INTS6: variants seen among roughly 807,000 people sequenced by gnomAD.
INTS6 encodes the protein integrator complex subunit 6, also known as DEAD box protein.
INTS6 carries 16 observed loss-of-function variants against 104.9 expected under a neutral mutation model. That is an observed-to-expected ratio of 0.15 (90% CI 0.10 to 0.23). The LOEUF is 0.23. Among genes scored for constraint, INTS6 ranks in the 10% least tolerant of loss-of-function variants. The pLI, the probability that INTS6 is intolerant of heterozygous loss-of-function variation, is 1.00. For synonymous variants in INTS6, 324 were observed against 358.7 expected (o/e 0.90, Z 1.09); for missense variants, 584 against 1,062.8 (o/e 0.55, Z 6.26).
intron 3 of INTS6, chr13:51,355,124 T>C (rs1224913914): frequency 2.0e-6 from 3 of 1,535,730 alleles, no homozygotes; most frequent in African/African-American, 1.4e-5. Flanking sequence ...CACTCAAAGC[T>C]AACTTGAAAG....
chr13:51,410,573 C>A (rs571788677), intron 4 of INTS6, among the ~76,000 whole-genome samples: 3 of 152,308 alleles, frequency 2.0e-5, no homozygotes, highest in African/African-American at 7.2e-5. Context: ...TGAATTATTT[C>A]TCTCAAAGTA....
intron 4 of INTS6, among the ~76,000 whole-genome samples, chr13:51,415,663 T>C (rs576693098): frequency 6.6e-6 from 1 of 152,258 alleles, no homozygotes; most frequent in Admixed American, 6.5e-5. Flanking sequence ...CCTCTTTCTT[T>C]TATTAATTGC....
At chr13:51,438,373 C>A (rs1349365047) in intron 3 of INTS6, 1 of 151,856 alleles carries the variant, frequency 6.6e-6, no homozygotes, top group African/African-American at 2.4e-5. Context: ...GTTTTATAAG[C>A]CTTCCTAACT....
intron 3 of INTS6, 186 bp downstream of exon 3, chr13:51,450,839 G>C (rs1250382446): frequency 8.2e-7 from 1 of 1,213,292 alleles, no homozygotes; most frequent in South Asian, 3.7e-5. Context: ...ATTTTAGAGG[G>C]GGAAAAAATG....
rs1953070881 is a variant in INTS6 at position 51,452,132 on chromosome 13, C to A, written c.112-77G>T. On this transcript the variant is annotated intron_variant, in intron 1 of 17. Transcript: ENST00000311234. This position sits in a 1 kb window ranked among gnomAD's most constrained non-coding sequence, Gnocchi z 4.2. ...GGTTACGAGGCGGAGAAGGGGCGCC[C>A]AGCGGCCCCGCCGCCCCCACAGTAC... The A allele has an allele frequency of 2.9e-6, 4 of 1,385,780 alleles. No individual in the cohort carries two copies. The highest frequency in any genetic ancestry group is 1.4e-5 in the African/African-American group (1 of 69,970). The allele number at this position is 1,385,780 out of a possible 1,614,324, so 85.8% of individuals were successfully genotyped here.
At chr13:51,425,235 A>G (rs991555350) in intron 4 of INTS6, among the ~76,000 whole-genome samples, 1 of 152,068 alleles carries the variant, frequency 6.6e-6, no homozygotes, top group Non-Finnish European at 1.5e-5. Context: ...AGAACCCACA[A>G]GTTGGAATAG....
In INTS6 at chr13:51,452,626, A is replaced by C; in HGVS notation, c.-101T>G. 1 of 1,529,784 alleles carries C rather than the reference A, an allele frequency of 6.5e-7. No homozygotes were observed. Among genetic ancestry groups the C allele is most frequent in the South Asian group, 1.2e-5 (1 of 86,898 alleles). The allele number at this position is 1,529,784 out of a possible 1,614,324, so 94.8% of individuals were successfully genotyped here. Reference sequence around the variant, plus strand: ...CGACCGCCGCTACGCGGGGCGGGGGAGCACGGCCCCCGGGAGGAAAACACT... The same window carrying C: ...CGACCGCCGCTACGCGGGGCGGGGGCGCACGGCCCCCGGGAGGAAAACACT... On this transcript the variant is annotated 5_prime_UTR_variant, in exon 1 of 18. Transcript: ENST00000311234. This position sits in a 1 kb window ranked among gnomAD's most constrained non-coding sequence, Gnocchi z 4.2.
At chr13:51,387,229 C>T (rs1956157053) in intron 7 of INTS6, among the ~76,000 whole-genome samples, 157 bp downstream of exon 7, 1 of 152,156 alleles carries the variant, frequency 6.6e-6, no homozygotes, top group Admixed American at 6.5e-5. Context: ...GTTATCATAG[C>T]AAAGCAACAT....
intron 3 of INTS6, chr13:51,449,488 A>G (rs1033250021): frequency 1.0e-6 from 1 of 985,300 alleles, no homozygotes; most frequent in Non-Finnish European, 1.2e-6. Flanking sequence ...GCAATCTTTA[A>G]GAAGTATTTT....
rs529016409 is a variant in INTS6 at position 51,399,567 on chromosome 13, A to G, written c.430-4084T>C. On this transcript the variant is annotated intron_variant, in intron 4 of 17. Transcript: ENST00000311234. ...GGAATTGCTGGATATGAATATGTTT[A>G]CTTTCATCAGATACTGCCAGTTTTC... is the stretch of plus-strand genomic sequence containing the variant. 3.9e-5 allele frequency among the ~76,000 whole-genome samples: 6 copies of G among 152,302 alleles called. No individual in the cohort carries two copies. The South Asian group carries it at 1.2e-3, about 32-fold the overall frequency.
At chr13:51,401,252 A>G (rs1025564666) in intron 4 of INTS6, among the ~76,000 whole-genome samples, 1 of 152,078 alleles carries the variant, frequency 6.6e-6, no homozygotes, top group Non-Finnish European at 1.5e-5. Flanking sequence ...GCATTCACTC[A>G]TCATTTTTTA....
intron 15 of INTS6, among the ~76,000 whole-genome samples, chr13:51,372,574 C>T (rs116748992): frequency 0.02 from 3,034 of 152,278 alleles, 52 homozygotes; most frequent in African/African-American, 0.049. Context: ...TCCTCTTCTC[C>T]TGAGCCCAAA....
chr13:51,397,210 T>C (rs1302321048), intron 4 of INTS6, among the ~76,000 whole-genome samples: 1 of 152,186 alleles, frequency 6.6e-6, no homozygotes, highest in Non-Finnish European at 1.5e-5. Context: ...CATTCTACAC[T>C]AAAATAGACT....
chr13:51,393,312 A>T (rs1229750590), intron 5 of INTS6, among the ~76,000 whole-genome samples: 1 of 152,170 alleles, frequency 6.6e-6, no homozygotes, highest in East Asian at 1.9e-4. Flanking sequence ...TCCTGACCTC[A>T]GGTAATCCGC....
Position 51,364,806 on chromosome 13 carries a change from G to GCT in INTS6, c.*944_*945dup, listed in dbSNP as rs1419126117. 2 of 152,366 alleles carry GCT rather than the reference G, an allele frequency of 1.3e-5. No homozygotes were observed. The highest frequency in any genetic ancestry group is 2.9e-5 in the Non-Finnish European group (2 of 68,162). The allele number at this position is 152,366 out of a possible 1,614,324, so 9.4% of individuals were successfully genotyped here. On this transcript the variant is annotated 3_prime_UTR_variant, in exon 18 of 18. Transcript: ENST00000311234. ...CAAGCATGGCATGAAGCTGCTAAAG[G>GCT]CTAGATATTTCAGAGCATGTACTGT...
the INTS6 span, among the ~76,000 whole-genome samples, chr13:51,343,017 G>A: frequency 4.6e-5 from 7 of 152,056 alleles, no homozygotes; most frequent in Non-Finnish European, 7.4e-5. Context: ...CTGCAGCCTC[G>A]TTTGGCTGGG....
chr13:51,360,143 CTGTG>C (rs1422414865), downstream of INTS6, among the ~76,000 whole-genome samples: 1 of 152,090 alleles, frequency 6.6e-6, no homozygotes, highest in Non-Finnish European at 1.5e-5. Context: ...GGGCTATCTC[CTGTG>C]TGTGCGTGAC....
chr13:51,374,494 A>AC lies in INTS6; in HGVS notation c.1873-56dup, dbSNP rs1396480061. 1.9e-6 allele frequency: 3 copies of AC among 1,561,866 alleles called. No individual in the cohort carries two copies. In the African/African-American group the frequency reaches 4.1e-5, roughly 21 times the overall value. On this transcript the variant is annotated intron_variant, in intron 14 of 17. Coordinates refer to ENST00000311234, the MANE Select transcript of INTS6 (RefSeq NM_012141.3). Reference sequence around the variant, plus strand: ...AATTTACAAACAATGTTTAAATGGCACAACCAGTGTCAATTCCAATGAAGG... The same window carrying AC: ...AATTTACAAACAATGTTTAAATGGCACCAACCAGTGTCAATTCCAATGAAGG...
At chr13:51,341,255 C>T in the INTS6 span, 5 of 1,613,890 alleles carry the variant, frequency 3.1e-6, no homozygotes, top group African/African-American at 5.3e-5. Context: ...ATCTCTCCTG[C>T]TGGTGTGTCC....
Sources: gnomAD v4.1 joint callset for allele counts (sites outside exome capture counted in the v4.1 genomes callset) on GRCh38, gnomAD v4.1.1 for gene constraint, Gnocchi (gnomAD v3.1) non-coding constraint, MANE v1.5 for transcripts, NCBI Gene and HGNC (gene_info 2026-07-23, HGNC 2026-07-21) for gene names.